The following NKAIN3 variants were observed in gnomAD, a reference collection of about 807,000 sequenced individuals.
NKAIN3 encodes the protein sodium/potassium transporting ATPase interacting 3, also known as sodium/potassium-transporting ATPase subunit beta-1-interacting protein 3.
A neutral mutation model predicts 30.2 loss-of-function variants in NKAIN3; 25 were observed. The observed-to-expected ratio is 0.83, with a 90% CI of 0.60 to 1.16. The LOEUF (loss-of-function observed/expected upper bound fraction) is 1.16, where lower values mean the gene tolerates loss of function less well. Among genes scored for constraint, NKAIN3 ranks in the 50% most tolerant of loss-of-function variants. The pLI, the probability that NKAIN3 is intolerant of heterozygous loss-of-function variation, is 0.00. For missense variants in NKAIN3, 225 were observed against 254.1 expected, an observed-to-expected ratio of 0.89 and a Z score of 0.78; for synonymous variants, 91 against 89.6, an observed-to-expected ratio of 1.02 and a Z score of -0.09.
intron 4 of NKAIN3, among the ~76,000 whole-genome samples, chr8:62,821,469 G>A (rs896808120): frequency 1.3e-5 from 2 of 152,144 alleles, no homozygotes; most frequent in Non-Finnish European, 2.9e-5. Context: ...AAGAGCAGTT[G>A]AATACTGGCT....
chr8:62,860,965 A>G (rs1237634790), intron 4 of NKAIN3, among the ~76,000 whole-genome samples: 2 of 152,224 alleles, frequency 1.3e-5, no homozygotes, highest in Admixed American at 6.5e-5. Flanking sequence ...CTTATGCTGA[A>G]TGCTTACTCA....
chr8:62,268,625 TA>T, intron 1 of NKAIN3, among the ~76,000 whole-genome samples: 1 of 152,314 alleles, frequency 6.6e-6, no homozygotes, highest in Middle Eastern at 3.4e-3. Context: ...GTATTGTGCA[TA>T]ACTCTTCATA....
At chr8:62,453,406 G>C (rs979254) in intron 1 of NKAIN3, among the ~76,000 whole-genome samples, 102,288 of 152,026 alleles carry the variant, frequency 0.67, 35,163 homozygotes, top group East Asian at 0.75. Context: ...GTTTATACCA[G>C]TAAACATCCA....
At chr8:62,694,733 G>C (rs1482581325) in intron 3 of NKAIN3, among the ~76,000 whole-genome samples, 1 of 152,108 alleles carries the variant, frequency 6.6e-6, no homozygotes, top group Non-Finnish European at 1.5e-5. Context: ...TCCAGCAAAT[G>C]AGTAGAACAC....
intron 4 of NKAIN3, among the ~76,000 whole-genome samples, chr8:62,811,583 A>G (rs1013033790): frequency 6.6e-6 from 1 of 151,744 alleles, no homozygotes; most frequent in Non-Finnish European, 1.5e-5. Context: ...AGTACATAGT[A>G]ATATATCATT....
intron 3 of NKAIN3, among the ~76,000 whole-genome samples, chr8:62,709,246 A>C (rs2130488880): frequency 6.6e-6 from 1 of 152,286 alleles, no homozygotes; most frequent in East Asian, 1.9e-4. Flanking sequence ...AGAATGAATT[A>C]GGCAGGATTC....
At chr8:62,485,247 ATGGGTCAACTG>A (rs1339205341) in intron 1 of NKAIN3, among the ~76,000 whole-genome samples, 2 of 152,186 alleles carry the variant, frequency 1.3e-5, no homozygotes, top group South Asian at 2.1e-4. Context: ...GTGAGAATCC[ATGGGTCAACTG>A]TGAGGTAAAT....
At chr8:62,562,241 T>C (rs943710266) in intron 1 of NKAIN3, among the ~76,000 whole-genome samples, 2 of 152,144 alleles carry the variant, frequency 1.3e-5, no homozygotes, top group African/African-American at 4.8e-5. Context: ...AACATTCCAA[T>C]GTCCACAGAG....
At chr8:62,334,751 A>C (rs1371857161) in intron 1 of NKAIN3, among the ~76,000 whole-genome samples, 1 of 152,002 alleles carries the variant, frequency 6.6e-6, no homozygotes, top group East Asian at 1.9e-4. Flanking sequence ...GCAATTCTCC[A>C]TGTGGCATCC....
intron 3 of NKAIN3, among the ~76,000 whole-genome samples, chr8:62,740,786 A>G (rs1815839555): frequency 6.6e-6 from 1 of 152,002 alleles, no homozygotes; most frequent in African/African-American, 2.4e-5. Context: ...ATATTTGGAG[A>G]ATATGAGAGC....
intron 3 of NKAIN3, among the ~76,000 whole-genome samples, chr8:62,729,459 G>C (rs1275363551): frequency 6.6e-6 from 1 of 152,068 alleles, no homozygotes; most frequent in African/African-American, 2.4e-5. Flanking sequence ...AAGACAGTTT[G>C]GTAGTTTCTT....
rs532650934 is a variant in NKAIN3 at position 62,879,578 on chromosome 8, T to C, written c.472-38875T>C. Among the ~76,000 whole-genome samples, 5 of 152,272 alleles carry C rather than the reference T, an allele frequency of 3.3e-5. No homozygotes were observed. In the East Asian group the frequency reaches 9.6e-4, roughly 29 times the overall value. On this transcript the variant is annotated intron_variant, in intron 4 of 6. Transcript: ENST00000623646. ...TTGTTGTTGCATTATGCTGTTGTAT[T>C]TTTGTTGAACAGGAGGCATGCATGA...
At chr8:62,379,355 T>C (rs975813562) in intron 1 of NKAIN3, among the ~76,000 whole-genome samples, 2 of 152,134 alleles carry the variant, frequency 1.3e-5, no homozygotes, top group Non-Finnish European at 2.9e-5. Context: ...AGTTAAGACT[T>C]TTGGGGACTG....
chr8:62,318,427 G>C (rs1421421807), intron 1 of NKAIN3, among the ~76,000 whole-genome samples: 2 of 152,172 alleles, frequency 1.3e-5, no homozygotes, highest in Admixed American at 1.3e-4. Context: ...GATATTGGCT[G>C]TGGGTTTGTC....
At chr8:62,320,783 A>G (rs1490442528) in intron 1 of NKAIN3, among the ~76,000 whole-genome samples, 4 of 152,060 alleles carry the variant, frequency 2.6e-5, no homozygotes, top group Admixed American at 2.6e-4. Context: ...CTTCATTTCA[A>G]CTTTCGTGAA....
intron 1 of NKAIN3, among the ~76,000 whole-genome samples, chr8:62,382,669 G>T (rs553900110): frequency 6.6e-6 from 1 of 152,128 alleles, no homozygotes; most frequent in Non-Finnish European, 1.5e-5. Context: ...TCGTTTTCTG[G>T]CACTGCTTCT....
chr8:62,854,088 T>C (rs190521644), intron 4 of NKAIN3, among the ~76,000 whole-genome samples: 3 of 152,332 alleles, frequency 2.0e-5, no homozygotes, highest in East Asian at 3.9e-4. Flanking sequence ...TTCAGCTCTT[T>C]TGCATTTGCT....
chr8:62,982,823 T>G lies in NKAIN3; in HGVS notation c.*17416T>G, dbSNP rs908370104. The G allele has an allele frequency of 5.9e-5, 9 of 152,172 alleles. No homozygotes were observed. Among genetic ancestry groups the G allele is most frequent in the African/African-American group, 1.9e-4 (8 of 41,428 alleles). The allele number at this position is 152,172 out of a possible 1,614,324, so 9.4% of individuals were successfully genotyped here. A position where few individuals can be genotyped will look rare whatever the true frequency, so the allele number is the denominator to read the frequency against. ...GGCATGCTTTCTCTGTGGGAAGTTGTCATCCTCCACAAGATCTTGCCCACA... is the reference window on the plus strand; with the variant it reads ...GGCATGCTTTCTCTGTGGGAAGTTGGCATCCTCCACAAGATCTTGCCCACA... On this transcript the variant is annotated 3_prime_UTR_variant, in exon 7 of 7. Transcript: ENST00000623646.
intron 4 of NKAIN3, among the ~76,000 whole-genome samples, chr8:62,804,341 C>T (rs1818192970): frequency 6.6e-6 from 1 of 152,090 alleles, no homozygotes; most frequent in Non-Finnish European, 1.5e-5. Context: ...GGCAGAGACA[C>T]AACCAAAAAA....
Sources: allele counts gnomAD v4.1 joint callset (sites outside exome capture counted in the v4.1 genomes callset), GRCh38; gene constraint gnomAD v4.1.1; transcripts MANE v1.5; gene names NCBI Gene and HGNC (gene_info 2026-07-23, HGNC 2026-07-21).